TCF7L2: variants seen among roughly 807,000 people sequenced by gnomAD.
TCF7L2 encodes transcription factor 7-like 2.
In TCF7L2, 23 loss-of-function variants were observed where a neutral mutation model predicts 77.9. That is an observed-to-expected ratio of 0.30 (90% CI 0.21 to 0.42). TCF7L2 has a LOEUF of 0.42. Among genes scored for constraint, TCF7L2 ranks in the 10% least tolerant of loss-of-function variants. The pLI is 1.00. For synonymous variants in TCF7L2, 413 were observed against 340.2 expected (o/e 1.21, Z -2.36); for missense variants, 654 against 793.1 (o/e 0.82, Z 2.11).
intron 11 of TCF7L2, among the ~76,000 whole-genome samples, chr10:113,153,749 A>T (rs1243893431): frequency 6.6e-6 from 1 of 152,216 alleles, no homozygotes; most frequent in African/African-American, 2.4e-5. Flanking sequence ...ACAGGGATTC[A>T]GAGTTAAGTC....
At chr10:112,951,129 C>G in intron 1 of TCF7L2, 78 bp from the exon 2 acceptor site, 1 of 1,339,388 alleles carries the variant, frequency 7.5e-7, no homozygotes, top group Non-Finnish European at 1.0e-6. Context: ...TCGACCTCGC[C>G]GATTCTTTTT....
At chr10:112,960,885 G>A (rs148226534) in intron 3 of TCF7L2, among the ~76,000 whole-genome samples, 6 of 152,004 alleles carry the variant, frequency 3.9e-5, no homozygotes, top group African/African-American at 1.4e-4. Context: ...TGGAGATGGT[G>A]TTTCGCCATC....
intron 11 of TCF7L2, among the ~76,000 whole-genome samples, chr10:113,154,713 CTT>C (rs1269923399): frequency 1.3e-5 from 2 of 152,048 alleles, no homozygotes; most frequent in African/African-American, 4.8e-5. Context: ...CTCGAAATGA[CTT>C]TAGCTCAGTT....
At chr10:113,073,866 G>T (rs1056229638) in intron 5 of TCF7L2, among the ~76,000 whole-genome samples, 2 of 152,196 alleles carry the variant, frequency 1.3e-5, no homozygotes, top group Non-Finnish European at 2.9e-5. Context: ...GACTCCATGT[G>T]CGAGTTGCTG....
intron 5 of TCF7L2, among the ~76,000 whole-genome samples, chr10:113,046,157 T>G (rs1183684151): frequency 6.6e-6 from 1 of 152,166 alleles, no homozygotes; most frequent in Admixed American, 6.5e-5. Context: ...GGTGAAGAGT[T>G]TTGAAGTTTC....
At chr10:113,022,919 A>G (rs1182006918) in intron 4 of TCF7L2, among the ~76,000 whole-genome samples, 2 of 152,136 alleles carry the variant, frequency 1.3e-5, no homozygotes, top group African/African-American at 2.4e-5. Flanking sequence ...CTTGGCATGT[A>G]TTAGGCACTG....
At chr10:112,989,262 A>G (rs2135417045) in intron 4 of TCF7L2, among the ~76,000 whole-genome samples, 1 of 151,886 alleles carries the variant, frequency 6.6e-6, no homozygotes, top group African/African-American at 2.4e-5. Flanking sequence ...GGCTGGAGTG[A>G]CTGAGGCCTT....
chr10:113,009,246 C>G (rs982775230), intron 4 of TCF7L2, among the ~76,000 whole-genome samples: 1 of 152,196 alleles, frequency 6.6e-6, no homozygotes, highest in African/African-American at 2.4e-5. Context: ...ATACTCCTTC[C>G]AAGTTGTCCT....
At chr10:112,956,227 G>T (rs763327066) in intron 3 of TCF7L2, among the ~76,000 whole-genome samples, 3 of 151,986 alleles carry the variant, frequency 2.0e-5, no homozygotes, top group African/African-American at 4.8e-5. Context: ...GTGGAAGTTG[G>T]TTTATTGGCA....
At chr10:112,961,489 T>C (rs760792721) in intron 3 of TCF7L2, among the ~76,000 whole-genome samples, 2 of 152,048 alleles carry the variant, frequency 1.3e-5, no homozygotes, top group Non-Finnish European at 2.9e-5. Context: ...GTTTACTGGG[T>C]GTTTGTATTT....
At chr10:113,097,005 C>G (rs917128676) in intron 5 of TCF7L2, among the ~76,000 whole-genome samples, 3 of 152,064 alleles carry the variant, frequency 2.0e-5, no homozygotes, top group Non-Finnish European at 4.4e-5. Flanking sequence ...GCCTGAGCCC[C>G]GCGTCACCAT....
intron 4 of TCF7L2, among the ~76,000 whole-genome samples, chr10:113,028,908 A>G (rs1038679440): frequency 6.6e-6 from 1 of 152,188 alleles, no homozygotes; most frequent in African/African-American, 2.4e-5. Context: ...GTACCTCTCA[A>G]AGGTCATTTG....
intron 5 of TCF7L2, among the ~76,000 whole-genome samples, chr10:113,056,597 G>A (rs1486315531): frequency 6.6e-6 from 1 of 152,160 alleles, no homozygotes; most frequent in Non-Finnish European, 1.5e-5. Flanking sequence ...AGAAGTCTGG[G>A]AAGCTGTTTT....
intron 4 of TCF7L2, among the ~76,000 whole-genome samples, chr10:113,030,632 AG>A (rs1202380234): frequency 2.0e-5 from 3 of 152,236 alleles, no homozygotes; most frequent in African/African-American, 7.2e-5. Flanking sequence ...AGGTTCTTCC[AG>A]GAGCTTGCAA....
intron 5 of TCF7L2, among the ~76,000 whole-genome samples, chr10:113,066,993 T>C (rs1359637088): frequency 6.6e-6 from 1 of 152,218 alleles, no homozygotes; most frequent in African/African-American, 2.4e-5. Context: ...TATTAGAGCA[T>C]TTAATATACT....
chr10:113,012,974 G>A (rs897972783), intron 4 of TCF7L2, among the ~76,000 whole-genome samples: 7 of 152,090 alleles, frequency 4.6e-5, no homozygotes, highest in African/African-American at 1.2e-4. Context: ...GGGTCTTCTC[G>A]CCTGGTGCAG....
chr10:113,126,739 C>CGCG (rs1034199266), intron 5 of TCF7L2: 19 of 985,680 alleles, frequency 1.9e-5, no homozygotes, highest in Non-Finnish European at 2.2e-5. Flanking sequence ...GCCGCGGGTG[C>CGCG]GCGGCGGCGG....
At chr10:113,089,256 C>T (rs2060129356) in intron 5 of TCF7L2, 2 of 953,120 alleles carry the variant, frequency 2.1e-6, no homozygotes, top group Admixed American at 3.0e-5. Flanking sequence ...CTGATTTGTG[C>T]TGGGAACTGT....
chr10:113,007,321 C>T (rs1294662578), intron 4 of TCF7L2, among the ~76,000 whole-genome samples: 2 of 152,196 alleles, frequency 1.3e-5, no homozygotes. Flanking sequence ...CCTTCTCTAG[C>T]CTCCATCCCC....
Sources: allele counts gnomAD v4.1 joint callset (sites outside exome capture counted in the v4.1 genomes callset), GRCh38; gene constraint gnomAD v4.1.1; transcripts MANE v1.5; gene names NCBI Gene and HGNC (gene_info 2026-07-23, HGNC 2026-07-21).